EIF2B3: variants seen among roughly 807,000 people sequenced by gnomAD.
The protein encoded by EIF2B3 is eukaryotic translation initiation factor 2B subunit gamma.
Under a neutral mutation model 54.1 loss-of-function variants are expected in EIF2B3, and 20 were observed. The ratio of observed to expected loss-of-function variants is 0.37; its 90% CI spans 0.26 to 0.54. The LOEUF (loss-of-function observed/expected upper bound fraction) is 0.54, where lower values mean the gene tolerates loss of function less well. EIF2B3 is among the 20% of genes least tolerant of loss of function. The pLI is 0.86. For missense variants in EIF2B3, 448 were observed against 547.8 expected (o/e 0.82, Z 1.82); for synonymous variants, 153 against 188.1 (o/e 0.81, Z 1.52).
At chr1:44,965,634 C>CTTTTTTTTTTTTTTTT (rs386366856) in intron 3 of EIF2B3, among the ~76,000 whole-genome samples, 3 of 102,410 alleles carry the variant, frequency 2.9e-5, no homozygotes, top group African/African-American at 7.9e-5. Context: ...ACAAATGCAT[C>CTTTTTTTTTTTTTTTT]TTTTTTTTTT....
At chr1:44,873,522 T>C (rs750323289) in intron 10 of EIF2B3, among the ~76,000 whole-genome samples, 1 of 152,234 alleles carries the variant, frequency 6.6e-6, no homozygotes. Context: ...AGGTTTATTA[T>C]GACTATGTAA....
At chr1:44,855,073 C>T (rs1654394542) in intron 11 of EIF2B3, among the ~76,000 whole-genome samples, 1 of 150,154 alleles carries the variant, frequency 6.7e-6, no homozygotes, top group Admixed American at 6.6e-5. Flanking sequence ...TTTGCTTTCA[C>T]CATACGGCTC....
intron 4 of EIF2B3, among the ~76,000 whole-genome samples, chr1:44,938,089 G>A (rs1003318708): frequency 1.6e-4 from 24 of 152,056 alleles, no homozygotes; most frequent in African/African-American, 5.5e-4. Context: ...CAGTAAGAAC[G>A]CCATTTGAGG....
chr1:44,851,110 G>T, intron 11 of EIF2B3, 107 bp from the exon 12 acceptor site: 2 of 1,104,168 alleles, frequency 1.8e-6, no homozygotes, highest in Non-Finnish European at 2.7e-6. Flanking sequence ...TGTCACCCAG[G>T]CTGGAGTGCA....
intron 1 of EIF2B3, among the ~76,000 whole-genome samples, chr1:44,985,982 A>G (rs1438820726): frequency 6.6e-6 from 1 of 152,170 alleles, no homozygotes; most frequent in Non-Finnish European, 1.5e-5. Context: ...CCCTGCATCC[A>G]AACAACTAAA....
chr1:44,928,499 C>T (rs984695284), intron 4 of EIF2B3, among the ~76,000 whole-genome samples: 2 of 142,922 alleles, frequency 1.4e-5, no homozygotes, highest in Non-Finnish European at 3.1e-5. Flanking sequence ...TAGGGCGCTT[C>T]GTTTTTTTTT....
chr1:44,897,327 G>A (rs1441222343), intron 6 of EIF2B3, 28 bp downstream of exon 6: 2 of 1,542,438 alleles, frequency 1.3e-6, no homozygotes, highest in Admixed American at 3.4e-5. Flanking sequence ...AAGTACTGTA[G>A]GTTTGACTCT....
chr1:44,945,932 G>A (rs1644096926), intron 3 of EIF2B3, among the ~76,000 whole-genome samples: 1 of 152,114 alleles, frequency 6.6e-6, no homozygotes, highest in African/African-American at 2.4e-5. Flanking sequence ...TCAAGAAAAT[G>A]ACTCCAATGC....
chr1:44,969,957 G>C (rs944501370), intron 3 of EIF2B3: 2 of 152,208 alleles, frequency 1.3e-5, no homozygotes, highest in Non-Finnish European at 2.9e-5. Context: ...AACGTCAGTT[G>C]TAAGAGTGGA....
At chr1:44,953,728 G>A (rs1644194079) in intron 3 of EIF2B3, among the ~76,000 whole-genome samples, 1 of 152,194 alleles carries the variant, frequency 6.6e-6, no homozygotes, top group African/African-American at 2.4e-5. Flanking sequence ...AGGAGGTCGA[G>A]GCTACAGTGA....
At position 44,879,958 on chromosome 1, in the gene EIF2B3, C is replaced by T. The variant is rs755224836; in HGVS notation, c.835G>A (p.Asp279Asn). 6.2e-7 allele frequency: 1 copy of T among 1,614,214 alleles called. No homozygotes were observed. The highest frequency in any genetic ancestry group is 2.2e-5 in the East Asian group (1 of 44,894). Residue 279 changes from aspartate (D) to asparagine (N), a missense_variant, in exon 8 of 12, where the codon GAT becomes AAT. This residue lies in a region of EIF2B3 where 350 missense variants were observed against 414.2 expected (regional missense o/e 0.85). Coordinates refer to ENST00000360403, the MANE Select transcript of EIF2B3 (RefSeq NM_020365.5). ...CCTCGACAGGCATTCCAGCAGGCAT[C>T]ATAGGGAGCCAGGTTCAGTGTATTG... The part of the protein sequence containing the change: ...EANTLNLAPY[D>N]ACWNACRGDR...
intron 3 of EIF2B3, among the ~76,000 whole-genome samples, chr1:44,946,775 C>T (rs750395000): frequency 2.0e-5 from 3 of 151,828 alleles, no homozygotes; most frequent in Non-Finnish European, 4.4e-5. Flanking sequence ...ATTTTATAAA[C>T]GCTGTAACAG....
At chr1:44,883,845 A>G (rs1416440154) in intron 6 of EIF2B3, among the ~76,000 whole-genome samples, 1 of 151,996 alleles carries the variant, frequency 6.6e-6, no homozygotes, top group Non-Finnish European at 1.5e-5. Context: ...GCCAGTGGTA[A>G]TTTTTCCTTG....
chr1:44,872,842 G>T (rs898936738), intron 10 of EIF2B3, among the ~76,000 whole-genome samples: 1 of 152,110 alleles, frequency 6.6e-6, no homozygotes, highest in Non-Finnish European at 1.5e-5. Flanking sequence ...TTCCTTGAGG[G>T]AAGAGATTAA....
At chr1:44,977,290 G>C (rs1644462274) in intron 3 of EIF2B3, among the ~76,000 whole-genome samples, 1 of 152,034 alleles carries the variant, frequency 6.6e-6, no homozygotes, top group South Asian at 2.1e-4. Flanking sequence ...CTTAACCAAA[G>C]GTTAACTAAA....
intron 5 of EIF2B3, among the ~76,000 whole-genome samples, chr1:44,913,192 T>C (rs1643550978): frequency 6.6e-6 from 1 of 152,024 alleles, no homozygotes; most frequent in Admixed American, 6.5e-5. Flanking sequence ...GATCATATTT[T>C]TTAATACATT....
intron 3 of EIF2B3, 101 bp from the exon 4 acceptor site, chr1:44,941,766 A>G: frequency 7.4e-7 from 1 of 1,344,494 alleles, no homozygotes; most frequent in South Asian, 1.2e-5. Flanking sequence ...CACAAATCAG[A>G]CAATACTCTT....
chr1:44,948,709 C>T (rs1304094913), intron 3 of EIF2B3, among the ~76,000 whole-genome samples: 3 of 152,050 alleles, frequency 2.0e-5, no homozygotes, highest in Admixed American at 2.0e-4. Flanking sequence ...TGAGTACAGC[C>T]TATTTTGGAG....
intron 10 of EIF2B3, among the ~76,000 whole-genome samples, chr1:44,867,827 A>C (rs1438401299): frequency 1.3e-5 from 2 of 151,690 alleles, no homozygotes; most frequent in Non-Finnish European, 2.9e-5. Context: ...ATTTTTAAAA[A>C]AAGAAGTAGC....
Sources: allele counts gnomAD v4.1 joint callset (sites outside exome capture counted in the v4.1 genomes callset), GRCh38; gene constraint gnomAD v4.1.1; regional missense constraint gnomAD v4.1.1; transcripts MANE v1.5; gene names NCBI Gene and HGNC (gene_info 2026-07-23, HGNC 2026-07-21).